ME1: variants seen among roughly 807,000 people sequenced by gnomAD.
ME1 encodes the protein malic enzyme 1, also known as NADP-dependent malic enzyme.
ME1 carries 74 observed loss-of-function variants against 66.4 expected under a neutral mutation model. That is an observed-to-expected ratio of 1.11 (90% CI 0.92 to 1.35). ME1 has a LOEUF of 1.35. Among genes scored for constraint, ME1 ranks in the 40% most tolerant of loss-of-function variants. The probability of loss-of-function intolerance (pLI) is 0.00; values close to 1 mark genes in which losing one functional copy is unlikely to be tolerated. For missense variants in ME1, 750 were observed against 694.1 expected (o/e 1.08, Z -0.90); for synonymous variants, 251 against 235.6 (o/e 1.07, Z -0.60).
chr6:83,412,880 A>G (rs1770079015), intron 1 of ME1, among the ~76,000 whole-genome samples: 1 of 152,218 alleles, frequency 6.6e-6, no homozygotes, highest in Non-Finnish European at 1.5e-5. Flanking sequence ...TTTTTCAGTG[A>G]TAGAACCATT....
rs1300953779 is a variant in ME1 at position 83,239,392 on chromosome 6, CAG to C, written c.912+145_912+146del. On this transcript the variant is annotated intron_variant, in intron 8 of 13. Transcript: ENST00000369705. ...TATCCTATGAATAATTAATATGTCT[CAG>C]TACTTAATTTGGGAATCTTCCATAA... 9.1e-5 allele frequency: 47 copies of C among 513,910 alleles called. No homozygotes were observed. The East Asian group carries it at 1.3e-3, about 14-fold the overall frequency. 31.8% of individuals were successfully genotyped at this position (513,910 alleles called of 1,614,324 possible).
At chr6:83,371,685 A>G (rs1562492835) in intron 3 of ME1, among the ~76,000 whole-genome samples, 1 of 152,122 alleles carries the variant, frequency 6.6e-6, no homozygotes, top group Non-Finnish European at 1.5e-5. Flanking sequence ...TACTAAGAAA[A>G]CGATCCCTTC....
intron 3 of ME1, among the ~76,000 whole-genome samples, chr6:83,376,536 C>T (rs1435144618): frequency 1.3e-5 from 2 of 150,782 alleles, no homozygotes; most frequent in Non-Finnish European, 3.0e-5. Context: ...TGCAGTAGCT[C>T]ACACCTGTAA....
At chr6:83,404,192 G>A (rs899994453) in intron 2 of ME1, among the ~76,000 whole-genome samples, 5 of 151,968 alleles carry the variant, frequency 3.3e-5, no homozygotes, top group African/African-American at 9.7e-5. Flanking sequence ...TTTAATGATC[G>A]CCATTCTAAG....
chr6:83,376,659 T>C (rs1432698044), intron 3 of ME1, among the ~76,000 whole-genome samples: 2 of 149,964 alleles, frequency 1.3e-5, no homozygotes, highest in African/African-American at 4.9e-5. Flanking sequence ...AAAAATTAGC[T>C]GGGTGTGGTG....
At chr6:83,378,105 C>G (rs886418116) in intron 3 of ME1, among the ~76,000 whole-genome samples, 1 of 151,686 alleles carries the variant, frequency 6.6e-6, no homozygotes, top group South Asian at 2.1e-4. Context: ...AGGACACGAG[C>G]CCTCCACTGA....
chr6:83,284,763 G>A (rs540549451), intron 6 of ME1, among the ~76,000 whole-genome samples: 5 of 152,110 alleles, frequency 3.3e-5, no homozygotes, highest in African/African-American at 1.2e-4. Flanking sequence ...GACAAAACCT[G>A]GAAGCATTCT....
chr6:83,283,054 C>G (rs1767329729), intron 6 of ME1, among the ~76,000 whole-genome samples: 1 of 150,214 alleles, frequency 6.7e-6, no homozygotes, highest in African/African-American at 2.5e-5. Flanking sequence ...AGGTGAAACC[C>G]CGTCTCTACT....
intron 6 of ME1, among the ~76,000 whole-genome samples, chr6:83,291,094 T>C (rs1767494300): frequency 1.3e-5 from 2 of 152,252 alleles, no homozygotes; most frequent in East Asian, 1.9e-4. Context: ...CTGTGTCTTT[T>C]AATTGGGGCA....
intron 5 of ME1, among the ~76,000 whole-genome samples, chr6:83,345,753 T>A (rs534309373): frequency 8.7e-4 from 133 of 152,294 alleles, no homozygotes; most frequent in African/African-American, 3.1e-3. Flanking sequence ...AAAGTCATGA[T>A]TGAGAAAAGT....
At chr6:83,284,845 G>T (rs1193398293) in intron 6 of ME1, among the ~76,000 whole-genome samples, 1 of 152,132 alleles carries the variant, frequency 6.6e-6, no homozygotes, top group African/African-American at 2.4e-5. Flanking sequence ...GCAAGTCCTA[G>T]CCAGATCAAC....
At chr6:83,375,827 C>T (rs1220031917) in intron 3 of ME1, among the ~76,000 whole-genome samples, 4 of 152,078 alleles carry the variant, frequency 2.6e-5, no homozygotes, top group Admixed American at 2.6e-4. Flanking sequence ...TTATCAAAGG[C>T]CTTTTCTGCA....
intron 1 of ME1, among the ~76,000 whole-genome samples, chr6:83,421,547 T>C (rs531498792): frequency 5.9e-4 from 90 of 152,206 alleles, no homozygotes; most frequent in Non-Finnish European, 1.1e-3. Flanking sequence ...GAATCTAAAG[T>C]ACGACAAAAC....
chr6:83,227,457 C>T lies in ME1; in HGVS notation c.1153G>A (p.Ala385Thr). 6 of 1,600,822 alleles carry T rather than the reference C, an allele frequency of 3.7e-6. No individual in the cohort carries two copies. Among genetic ancestry groups the T allele is most frequent in the Non-Finnish European group, 5.1e-6 (6 of 1,171,920 alleles). Residue 385 changes from alanine to threonine, a missense_variant, in exon 11 of 14, where the codon GCA becomes ACA. Coordinates refer to ENST00000369705, the MANE Select transcript of ME1 (RefSeq NM_002395.6). ...ALIGVAAIGG[A>T]FSEQILKDMA... The stretch of plus-strand genomic sequence containing the variant: ...TCTTTGAGAATTTGTTCTGAGAATG[C>T]ACCACCAATTGCAGCAACTCCTAAT...
chr6:83,419,960 T>C (rs1450318403), intron 1 of ME1, among the ~76,000 whole-genome samples: 1 of 152,228 alleles, frequency 6.6e-6, no homozygotes, highest in Non-Finnish European at 1.5e-5. Context: ...GGAAGTATCA[T>C]GTGAAATGTG....
At chr6:83,353,642 A>C (rs1768838925) in intron 3 of ME1, among the ~76,000 whole-genome samples, 1 of 151,996 alleles carries the variant, frequency 6.6e-6, no homozygotes, top group African/African-American at 2.4e-5. Flanking sequence ...GATGTGTTTC[A>C]ATCCATTATA....
At chr6:83,349,344 C>T (rs868231875) in intron 4 of ME1, among the ~76,000 whole-genome samples, 15 of 152,162 alleles carry the variant, frequency 9.9e-5, no homozygotes, top group African/African-American at 3.6e-4. Flanking sequence ...TCTCCTGCTT[C>T]AGAAAAATGA....
At chr6:83,357,832 T>C (rs1768919418) in intron 3 of ME1, among the ~76,000 whole-genome samples, 2 of 149,534 alleles carry the variant, frequency 1.3e-5, no homozygotes, top group Admixed American at 6.8e-5. Context: ...CTGGCTCTCC[T>C]TGCTCCTCAG....
intron 5 of ME1, among the ~76,000 whole-genome samples, chr6:83,343,859 C>G (rs1044651112): frequency 5.3e-5 from 8 of 152,138 alleles, no homozygotes; most frequent in African/African-American, 1.9e-4. Flanking sequence ...TCAACTCTTT[C>G]ATATAATACA....
Sources: gnomAD v4.1 joint callset for allele counts (sites outside exome capture counted in the v4.1 genomes callset) on GRCh38, gnomAD v4.1.1 for gene constraint, MANE v1.5 for transcripts, NCBI Gene and HGNC (gene_info 2026-07-23, HGNC 2026-07-21) for gene names.